Variants in PDK1 observed in about 807,000 individuals in gnomAD.
PDK1 encodes the protein pyruvate dehydrogenase kinase 1.
Under a neutral mutation model 54.2 loss-of-function variants are expected in PDK1, and 39 were observed. That is an observed-to-expected ratio of 0.72 (90% confidence interval 0.56 to 0.94). The LOEUF (loss-of-function observed/expected upper bound fraction) is 0.94, where lower values mean the gene tolerates loss of function less well. Ranked by LOEUF, PDK1 falls within the 40% of genes least tolerant of loss-of-function variation. PDK1 has a pLI of 0.00. For missense variants in PDK1, 552 were observed against 566.0 expected (o/e 0.98, Z 0.25); for synonymous variants, 221 against 207.1 (o/e 1.07, Z -0.58).
the PDK1 span, among the ~76,000 whole-genome samples, chr2:172,626,846 TAAAC>T: frequency 1.3e-3 from 198 of 152,156 alleles, 2 homozygotes; most frequent in African/African-American, 4.5e-3. Context: ...AAAAACAAGA[TAAAC>T]TAATTTACAG....
the PDK1 span, among the ~76,000 whole-genome samples, chr2:172,715,728 T>G: frequency 6.6e-6 from 1 of 152,060 alleles, no homozygotes; most frequent in African/African-American, 2.4e-5. Flanking sequence ...AGGAAAAAAA[T>G]GAAAATTGTT....
chr2:172,671,960 G>T, the PDK1 span, among the ~76,000 whole-genome samples: 2 of 152,134 alleles, frequency 1.3e-5, no homozygotes, highest in Admixed American at 6.5e-5. Flanking sequence ...CAAATTAATT[G>T]GATAGGAGAG....
chr2:172,652,960 GA>G, the PDK1 span, among the ~76,000 whole-genome samples: 1 of 152,090 alleles, frequency 6.6e-6, no homozygotes, highest in Non-Finnish European at 1.5e-5. Context: ...CACAGAATTG[GA>G]AAAAACTACT....
intron 2 of PDK1, among the ~76,000 whole-genome samples, chr2:172,560,613 A>G (rs1365004983): frequency 6.6e-6 from 1 of 152,248 alleles, no homozygotes; most frequent in Non-Finnish European, 1.5e-5. Flanking sequence ...GATGAAATAT[A>G]TGAAAGGATA....
downstream of PDK1, among the ~76,000 whole-genome samples, chr2:172,610,857 C>G (rs183923870): frequency 5.1e-3 from 783 of 152,314 alleles, 9 homozygotes; most frequent in African/African-American, 0.017. Context: ...GTGATCCACC[C>G]TCCTCGGCCT....
the PDK1 span, chr2:172,723,631 C>T: frequency 6.6e-6 from 1 of 152,190 alleles, no homozygotes; most frequent in Non-Finnish European, 1.5e-5. Context: ...AAATGCAATG[C>T]TCAATCCTCC....
At position 172,605,365 on chromosome 2, in the gene PDK1, G is replaced by GT. The variant is rs1220751446; in HGVS notation, c.*9397dup. ...AGACTGTCCAGGTTTGGTCTACACT[G>GT]TAATTTTTTTTTTTTTTTTTTTTTT... On this transcript the variant is annotated 3_prime_UTR_variant, in exon 11 of 11. Transcript: ENST00000282077. 8.3e-6 allele frequency: 1 copy of GT among 120,298 alleles called. No homozygotes were observed. The highest frequency in any genetic ancestry group is 1.7e-5 in the Non-Finnish European group (1 of 57,660). 7.5% of individuals were successfully genotyped at this position (120,298 alleles called of 1,614,324 possible). A position where few individuals can be genotyped will look rare whatever the true frequency, so the allele number is the denominator to read the frequency against.
the PDK1 span, among the ~76,000 whole-genome samples, chr2:172,626,421 A>C: frequency 6.6e-6 from 1 of 152,190 alleles, no homozygotes; most frequent in African/African-American, 2.4e-5. Context: ...TAAGGAATGA[A>C]ATGAAATAAC....
chr2:172,713,166 A>G, the PDK1 span, among the ~76,000 whole-genome samples: 40,412 of 152,146 alleles, frequency 0.27, 8,151 homozygotes, highest in African/African-American at 0.57. Flanking sequence ...GAGGAGACTC[A>G]TGGTGGGTAG....
At chr2:172,555,935 G>GCCCGCC (rs1688286883), upstream of PDK1, 1 of 381,452 alleles carries the variant, frequency 2.6e-6, no homozygotes, top group South Asian at 1.0e-4. Context: ...GAGGGGGCGG[G>GCCCGCC]CCCCGCAAGC....
chr2:172,666,360 A>C, the PDK1 span, among the ~76,000 whole-genome samples: 1 of 152,356 alleles, frequency 6.6e-6, no homozygotes, highest in African/African-American at 2.4e-5. Context: ...TCAGTGCCAC[A>C]AATAAATAGC....
Position 172,600,774 on chromosome 2 carries a change from A to C in PDK1, c.*4805A>C, listed in dbSNP as rs184653334. On this transcript the variant is annotated 3_prime_UTR_variant, in exon 11 of 11. Transcript: ENST00000282077. ...GGGACCAGGTGTGCTATCTGTACAGAGCATAGCTTTTTATCAGCTCTTATC... is the reference window on the plus strand; with the variant it reads ...GGGACCAGGTGTGCTATCTGTACAGCGCATAGCTTTTTATCAGCTCTTATC... 22 of 152,294 alleles carry C rather than the reference A, an allele frequency of 1.4e-4. No homozygotes were observed. The highest frequency in any genetic ancestry group is 5.3e-4 in the African/African-American group (22 of 41,534). 9.4% of individuals were successfully genotyped at this position (152,294 alleles called of 1,614,324 possible).
the PDK1 span, among the ~76,000 whole-genome samples, chr2:172,617,016 C>G: frequency 2.0e-5 from 3 of 152,140 alleles, no homozygotes; most frequent in Non-Finnish European, 4.4e-5. Flanking sequence ...GTGGCGTGAT[C>G]TCGGCTCACT....
At chr2:172,666,496 G>T in the PDK1 span, among the ~76,000 whole-genome samples, 2 of 152,202 alleles carry the variant, frequency 1.3e-5, no homozygotes, top group South Asian at 2.1e-4. Flanking sequence ...TATCCCTGAC[G>T]CAGGTAGCCC....
At chr2:172,631,770 T>G in the PDK1 span, among the ~76,000 whole-genome samples, 1 of 152,162 alleles carries the variant, frequency 6.6e-6, no homozygotes, top group Non-Finnish European at 1.5e-5. Context: ...TAGCATTGTT[T>G]AGCTGTCAAT....
rs75325681 is a variant in PDK1 at position 172,573,237 on chromosome 2, G to A, written c.945+2413G>A. The stretch of plus-strand genomic sequence containing the variant: ...TGTGTGAAGGTTCCTGTTTTACCTC[G>A]TCCTTGTCAACAATTGTAGTCTGTC... On this transcript the variant is annotated intron_variant, in intron 8 of 10. Coordinates refer to ENST00000282077, the MANE Select transcript of PDK1 (RefSeq NM_002610.5). Among the ~76,000 whole-genome samples the A allele has an allele frequency of 3.1e-3, 470 of 152,140 alleles. 20 individuals carry two copies. The East Asian group carries it at 0.082, about 27-fold the overall frequency.
intron 2 of PDK1, 32 bp from the exon 3 acceptor site, chr2:172,562,188 G>C: frequency 8.3e-7 from 1 of 1,203,972 alleles, no homozygotes. Context: ...GAATATAAAA[G>C]AACAAACTTA....
the PDK1 span, among the ~76,000 whole-genome samples, chr2:172,709,421 T>C: frequency 6.6e-6 from 1 of 152,170 alleles, no homozygotes; most frequent in African/African-American, 2.4e-5. Flanking sequence ...ATATGTTTTG[T>C]TGAAAAAAGA....
intron 8 of PDK1, among the ~76,000 whole-genome samples, chr2:172,582,038 G>T (rs1335101055): frequency 1.3e-5 from 2 of 151,888 alleles, no homozygotes; most frequent in Non-Finnish European, 2.9e-5. Flanking sequence ...TCAGCCTCCC[G>T]AGTAGTGGGG....
Sources: allele counts gnomAD v4.1 joint callset (sites outside exome capture counted in the v4.1 genomes callset), GRCh38; gene constraint gnomAD v4.1.1; transcripts MANE v1.5; gene names NCBI Gene and HGNC (gene_info 2026-07-23, HGNC 2026-07-21).